TVP23A: variants seen among roughly 807,000 people sequenced by gnomAD.
The protein encoded by TVP23A is trans-golgi network vesicle protein 23 homolog A, also known as Golgi apparatus membrane protein TVP23 homolog A.
A neutral mutation model predicts 31.7 loss-of-function variants in TVP23A; 21 were observed. The ratio of observed to expected loss-of-function variants is 0.66; its 90% CI spans 0.47 to 0.95. TVP23A has a LOEUF of 0.95. Ranked by LOEUF, TVP23A falls within the 40% of genes least tolerant of loss-of-function variation. The pLI is 0.00. For synonymous variants in TVP23A, 104 were observed against 96.0 expected, an observed-to-expected ratio of 1.08 and a Z score of -0.49; for missense variants, 279 against 255.6, an observed-to-expected ratio of 1.09 and a Z score of -0.62.
chr16:10,799,768 G>C (rs1267200467), intron 2 of TVP23A, among the ~76,000 whole-genome samples: 1 of 152,218 alleles, frequency 6.6e-6, no homozygotes, highest in East Asian at 1.9e-4. Flanking sequence ...CTTGAGGAGA[G>C]TTGGGGGTGA....
Position 10,771,821 on chromosome 16 carries a change from A to G in TVP23A, c.454-23T>C, listed in dbSNP as rs368782664. The G allele has an allele frequency of 5.5e-5, 86 of 1,553,576 alleles. No individual in the cohort carries two copies. In the African/African-American group the frequency reaches 1.1e-3, roughly 19 times the overall value. ...AGCCTGCACTCAGACAAAGAAAGCAAAGGTCACTTTTTTTTGAGACAGAGT... is the reference window on the plus strand; with the variant it reads ...AGCCTGCACTCAGACAAAGAAAGCAGAGGTCACTTTTTTTTGAGACAGAGT... On this transcript the variant is annotated intron_variant, in intron 5 of 7. Coordinates refer to ENST00000299866, the MANE Select transcript of TVP23A (RefSeq NM_001079512.4).
chr16:10,814,048 A>G (rs2034324605), intron 2 of TVP23A, among the ~76,000 whole-genome samples: 1 of 150,258 alleles, frequency 6.7e-6, no homozygotes, highest in East Asian at 2.0e-4. Context: ...TCTACACTGC[A>G]ATCTGGGTAA....
chr16:10,769,589 G>A, intron 7 of TVP23A: 1 of 157,300 alleles, frequency 6.4e-6, no homozygotes, highest in Non-Finnish European at 1.4e-5. Context: ...AAATCTAAAA[G>A]CAACAGAGCT....
intron 2 of TVP23A, chr16:10,808,431 G>A (rs2034042877): frequency 2.3e-6 from 1 of 435,898 alleles, no homozygotes; most frequent in Non-Finnish European, 4.6e-6. Context: ...GTGATTTCCT[G>A]TAGTGTCTGA....
intron 2 of TVP23A, among the ~76,000 whole-genome samples, chr16:10,794,073 C>T (rs544099297): frequency 2.0e-5 from 3 of 152,246 alleles, no homozygotes; most frequent in Admixed American, 1.3e-4. Context: ...ACTGTCTTCA[C>T]ATGTCAGAAG....
intron 2 of TVP23A, among the ~76,000 whole-genome samples, chr16:10,802,526 C>T (rs1194629819): frequency 2.0e-5 from 3 of 152,100 alleles, no homozygotes; most frequent in East Asian, 1.9e-4. Flanking sequence ...GCGATCCTCT[C>T]GCCTCAACCT....
At chr16:10,773,559 G>A in intron 4 of TVP23A, 118 bp from the exon 5 acceptor site, 2 of 1,287,058 alleles carry the variant, frequency 1.6e-6, no homozygotes, top group Non-Finnish European at 2.1e-6. Flanking sequence ...ATTTTTTGTT[G>A]TTGGTGTTGT....
intron 2 of TVP23A, among the ~76,000 whole-genome samples, chr16:10,813,120 A>G (rs530328560): frequency 1.3e-5 from 2 of 152,304 alleles, no homozygotes; most frequent in African/African-American, 4.8e-5. Flanking sequence ...CTCCATCCCC[A>G]GGGCTTAGCC....
chr16:10,776,180 G>A (rs1031820646), intron 2 of TVP23A, among the ~76,000 whole-genome samples: 1 of 151,136 alleles, frequency 6.6e-6, no homozygotes, highest in Non-Finnish European at 1.5e-5. Flanking sequence ...TTCAAGACCA[G>A]CCTGGCCAAC....
chr16:10,800,792 T>A (rs985909215), intron 2 of TVP23A, among the ~76,000 whole-genome samples: 1 of 152,294 alleles, frequency 6.6e-6, no homozygotes, highest in South Asian at 2.1e-4. Context: ...AAGACCAGCC[T>A]GGGCAACATG....
intron 2 of TVP23A, among the ~76,000 whole-genome samples, chr16:10,799,772 G>C (rs541950049): frequency 6.6e-6 from 1 of 152,162 alleles, no homozygotes; most frequent in African/African-American, 2.4e-5. Context: ...AGGAGAGTTG[G>C]GGGTGAGTGG....
At chr16:10,757,691 A>C (rs983295831), downstream of TVP23A, among the ~76,000 whole-genome samples, 2 of 152,130 alleles carry the variant, frequency 1.3e-5, no homozygotes, top group African/African-American at 4.8e-5. The surrounding 1 kb of genome is among the most constrained non-coding windows in gnomAD (Gnocchi z 4.1). Context: ...AGCTGGGCAC[A>C]GTGGCACGCA....
intron 5 of TVP23A, 59 bp downstream of exon 5, chr16:10,773,254 T>C (rs1388721842): frequency 1.3e-6 from 2 of 1,537,848 alleles, no homozygotes; most frequent in East Asian, 2.3e-5. Context: ...AGCCTAGTGG[T>C]GCAAACACTT....
At chr16:10,816,335 A>G (rs536646358) in intron 2 of TVP23A, among the ~76,000 whole-genome samples, 8 of 140,618 alleles carry the variant, frequency 5.7e-5, no homozygotes, top group Non-Finnish European at 1.2e-4. Flanking sequence ...TTATTTAATT[A>G]AGAATTTTTT....
chr16:10,785,033 G>C (rs1469770707), intron 2 of TVP23A, among the ~76,000 whole-genome samples: 1 of 151,006 alleles, frequency 6.6e-6, no homozygotes, highest in African/African-American at 2.4e-5. Flanking sequence ...GGAGGCGGTG[G>C]TTGCAGTGTG....
intron 2 of TVP23A, among the ~76,000 whole-genome samples, chr16:10,807,681 TAA>T (rs2034008399): frequency 6.6e-6 from 1 of 152,146 alleles, no homozygotes; most frequent in Non-Finnish European, 1.5e-5. Flanking sequence ...GAAGCTGCTC[TAA>T]AGAGTGGGGT....
intron 2 of TVP23A, among the ~76,000 whole-genome samples, chr16:10,790,119 G>A (rs946834435): frequency 4.6e-5 from 7 of 152,058 alleles, no homozygotes; most frequent in Admixed American, 1.3e-4. Context: ...CCTTTAAAAG[G>A]TGCTAGGTTC....
chr16:10,796,849 G>C (rs965694646), intron 2 of TVP23A, among the ~76,000 whole-genome samples: 7 of 152,162 alleles, frequency 4.6e-5, no homozygotes, highest in African/African-American at 1.7e-4. Flanking sequence ...AGACAATCAA[G>C]GATAGGGACG....
At chr16:10,757,789 C>A, downstream of TVP23A, 17 of 1,537,874 alleles carry the variant, frequency 1.1e-5, no homozygotes, top group Non-Finnish European at 1.4e-5. This position sits in a 1 kb window ranked among gnomAD's most constrained non-coding sequence, Gnocchi z 4.1. Context: ...ATAGCAAGAC[C>A]CCATCCTTTA....
Sources: gnomAD v4.1 joint callset for allele counts (sites outside exome capture counted in the v4.1 genomes callset) on GRCh38, gnomAD v4.1.1 for gene constraint, Gnocchi (gnomAD v3.1) non-coding constraint, MANE v1.5 for transcripts, NCBI Gene and HGNC (gene_info 2026-07-23, HGNC 2026-07-21) for gene names.